Variants in CMTM8 observed in about 807,000 individuals in gnomAD.
CMTM8 encodes the protein CKLF-like MARVEL transmembrane domain-containing protein 8.
In CMTM8, 12 loss-of-function variants were observed where a neutral mutation model predicts 18.6. That is an observed-to-expected ratio of 0.65 (90% CI 0.41 to 1.05). The LOEUF (loss-of-function observed/expected upper bound fraction) is 1.05. Ranked by LOEUF, CMTM8 falls within the 50% of genes least tolerant of loss-of-function variation. CMTM8 has a pLI of 0.00. For synonymous variants in CMTM8, 87 were observed against 90.6 expected (o/e 0.96, Z 0.23); for missense variants, 217 against 227.2 (o/e 0.95, Z 0.29).
intron 1 of CMTM8, chr3:32,260,179 G>A: frequency 5.6e-6 from 7 of 1,242,096 alleles, no homozygotes; most frequent in Non-Finnish European, 8.2e-6. Flanking sequence ...GCCGGAGAGT[G>A]GATGGCAAAG....
chr3:32,280,842 TAGGCAAAAAA>T (rs1414433837), intron 1 of CMTM8, among the ~76,000 whole-genome samples: 1 of 17,272 alleles, frequency 5.8e-5, no homozygotes, highest in African/African-American at 2.5e-4. Flanking sequence ...CGAGAGAAAA[TAGGCAAAAAA>T]AAAAAAAAAA....
chr3:32,280,967 C>T (rs773292812), intron 1 of CMTM8, among the ~76,000 whole-genome samples: 1 of 143,438 alleles, frequency 7.0e-6, no homozygotes, highest in Non-Finnish European at 1.6e-5. Flanking sequence ...AACCAGGAGG[C>T]GGCAGAAGTG....
chr3:32,305,339 T>A (rs1187813901), intron 1 of CMTM8, among the ~76,000 whole-genome samples: 2 of 151,308 alleles, frequency 1.3e-5, no homozygotes, highest in East Asian at 3.9e-4. Context: ...CACGCCATTC[T>A]CCTGCGACTG....
chr3:32,250,769 A>C (rs1473875357), intron 1 of CMTM8, among the ~76,000 whole-genome samples: 1 of 151,986 alleles, frequency 6.6e-6, no homozygotes, highest in African/African-American at 2.4e-5. Flanking sequence ...AAAAATTTAT[A>C]CAAAAAAATT....
intron 1 of CMTM8, among the ~76,000 whole-genome samples, chr3:32,268,707 G>A (rs1034995077): frequency 1.5e-4 from 23 of 152,188 alleles, no homozygotes; most frequent in African/African-American, 5.3e-4. Context: ...TTCCAGCTTT[G>A]TAGGTAGAGT....
intron 1 of CMTM8, among the ~76,000 whole-genome samples, chr3:32,336,459 C>T (rs2125586897): frequency 6.6e-6 from 1 of 152,380 alleles, no homozygotes; most frequent in East Asian, 1.9e-4. Flanking sequence ...GCCAGGGCTC[C>T]AGCAGCTTTG....
intron 2 of CMTM8, among the ~76,000 whole-genome samples, chr3:32,361,287 T>TTTTTTTTTTGTTTTTTTTTG (rs1228929205): frequency 1.5e-4 from 5 of 33,650 alleles, no homozygotes; most frequent in East Asian, 2.8e-3. Context: ...AGCCTAAGAG[T>TTTTTTTTTTGTTTTTTTTTG]TTTTTTTTCT....
chr3:32,245,292 G>A (rs1206370819), intron 1 of CMTM8, among the ~76,000 whole-genome samples: 2 of 152,216 alleles, frequency 1.3e-5, no homozygotes, highest in African/African-American at 2.4e-5. Flanking sequence ...ATTAGGCAGA[G>A]AACAAAGCAG....
chr3:32,354,902 A>T (rs1696785895), intron 1 of CMTM8, among the ~76,000 whole-genome samples: 1 of 152,246 alleles, frequency 6.6e-6, no homozygotes, highest in African/African-American at 2.4e-5. Flanking sequence ...TTCTGGAATT[A>T]TATCCCATTT....
chr3:32,280,985 C>T (rs1436919611), intron 1 of CMTM8, among the ~76,000 whole-genome samples: 2 of 151,890 alleles, frequency 1.3e-5, no homozygotes, highest in Admixed American at 1.3e-4. Context: ...GTGGGATTCA[C>T]ACCAGATCTT....
chr3:32,350,419 A>G (rs1384977053), intron 1 of CMTM8, among the ~76,000 whole-genome samples: 4 of 144,394 alleles, frequency 2.8e-5, no homozygotes, highest in Non-Finnish European at 6.0e-5. Flanking sequence ...GTGCAACGGC[A>G]TGATCTCAGC....
intron 1 of CMTM8, among the ~76,000 whole-genome samples, chr3:32,327,113 TAA>T (rs35018766): frequency 1.7e-3 from 237 of 141,024 alleles, no homozygotes; most frequent in African/African-American, 5.7e-3. Flanking sequence ...CTAGAAGAGT[TAA>T]AAAAAAAAAA....
intron 1 of CMTM8, among the ~76,000 whole-genome samples, chr3:32,303,450 G>C (rs745796227): frequency 1.4e-4 from 21 of 152,304 alleles, no homozygotes; most frequent in Non-Finnish European, 5.9e-5. Context: ...TTAGATTCAG[G>C]TGTTTCGTTT....
chr3:32,361,971 T>C (rs1488046086), intron 2 of CMTM8, among the ~76,000 whole-genome samples: 13 of 152,054 alleles, frequency 8.5e-5, no homozygotes, highest in Admixed American at 8.5e-4. Flanking sequence ...CTGACCTCAC[T>C]GCAAGCCTTG....
At chr3:32,336,967 T>C (rs1421889117) in intron 1 of CMTM8, among the ~76,000 whole-genome samples, 6 of 152,084 alleles carry the variant, frequency 3.9e-5, no homozygotes, top group African/African-American at 1.4e-4. Context: ...TGAGGGCCTT[T>C]TTGCTGGTGG....
At chr3:32,259,659 A>G in intron 1 of CMTM8, 1 of 1,350,094 alleles carries the variant, frequency 7.4e-7, no homozygotes, top group South Asian at 1.2e-5. Flanking sequence ...GATGCCCCCA[A>G]ATCTCAGGAC....
At chr3:32,311,438 C>T (rs1695817875) in intron 1 of CMTM8, among the ~76,000 whole-genome samples, 1 of 152,190 alleles carries the variant, frequency 6.6e-6, no homozygotes. Flanking sequence ...TCTGGAGGCT[C>T]TAGGAGAGAA....
intron 1 of CMTM8, among the ~76,000 whole-genome samples, chr3:32,303,728 G>A (rs1695670350): frequency 6.6e-6 from 1 of 151,868 alleles, no homozygotes; most frequent in Non-Finnish European, 1.5e-5. Context: ...ACATTTGCCA[G>A]CTCACATTTT....
At chr3:32,259,546 C>A (rs143948066) in intron 1 of CMTM8, 4 of 807,156 alleles carry the variant, frequency 5.0e-6, no homozygotes, top group Non-Finnish European at 8.9e-6. Context: ...AGACAGAGAT[C>A]GAGGCTCTCA....
Sources: allele counts gnomAD v4.1 joint callset (sites outside exome capture counted in the v4.1 genomes callset), GRCh38; gene constraint gnomAD v4.1.1; transcripts MANE v1.5; gene names NCBI Gene and HGNC (gene_info 2026-07-23, HGNC 2026-07-21).